CABLES1: variants seen among roughly 807,000 people sequenced by gnomAD.
The protein encoded by CABLES1 is Cdk5 and Abl enzyme substrate 1.
In CABLES1, 36 loss-of-function variants were observed where a neutral mutation model predicts 57.8. That is an observed-to-expected ratio of 0.62 (90% CI 0.48 to 0.82). CABLES1 has a LOEUF of 0.82. CABLES1 is among the 40% of genes least tolerant of loss of function. CABLES1 has a pLI of 0.00. For synonymous variants in CABLES1, 374 were observed against 363.0 expected (o/e 1.03, Z -0.35); for missense variants, 767 against 836.6 (o/e 0.92, Z 1.03).
intron 1 of CABLES1, among the ~76,000 whole-genome samples, chr18:23,152,766 C>T (rs1021762238): frequency 6.6e-6 from 1 of 151,238 alleles, no homozygotes; most frequent in African/African-American, 2.4e-5. Context: ...ATTATAGGCT[C>T]GAGCCACCAT....
At chr18:23,195,496 A>G (rs74625273) in intron 3 of CABLES1, among the ~76,000 whole-genome samples, 42 of 152,390 alleles carry the variant, frequency 2.8e-4, no homozygotes, top group Non-Finnish European at 4.4e-4. Flanking sequence ...GTAAGTCGCG[A>G]GTAAAGTACC....
chr18:23,239,840 A>G (rs1041503709), intron 7 of CABLES1, among the ~76,000 whole-genome samples: 24 of 152,204 alleles, frequency 1.6e-4, no homozygotes, highest in Non-Finnish European at 1.0e-4. Context: ...GCAGGAGACC[A>G]GGCATGGTGG....
intron 1 of CABLES1, among the ~76,000 whole-genome samples, chr18:23,160,450 G>T (rs1472827017): frequency 6.6e-6 from 1 of 152,216 alleles, no homozygotes; most frequent in Non-Finnish European, 1.5e-5. Flanking sequence ...GCAGTGCCGG[G>T]CACATGGTAT....
intron 3 of CABLES1, among the ~76,000 whole-genome samples, chr18:23,212,594 G>A (rs1343826147): frequency 1.3e-5 from 2 of 152,150 alleles, no homozygotes; most frequent in African/African-American, 4.8e-5. Flanking sequence ...GCTGCTCTGA[G>A]GCCCACACTG....
rs951137940 is a variant in CABLES1, at chr18:23,183,092, C to T, written c.846-5746C>T. 2.6e-5 allele frequency among the ~76,000 whole-genome samples: 4 copies of T among 152,214 alleles called. No individual in the cohort carries two copies. In the South Asian group the frequency reaches 6.2e-4, roughly 24 times the overall value. On this transcript the variant is annotated intron_variant, in intron 1 of 9. Transcript: ENST00000256925. ...CGGGATGGTCAGGCCTCTGGGCCTG[C>T]GTCCCCTCATCAGTGTGGATGGTTG... is the stretch of plus-strand genomic sequence containing the variant.
chr18:23,162,257 A>G (rs1004677946), intron 1 of CABLES1, among the ~76,000 whole-genome samples: 1 of 152,256 alleles, frequency 6.6e-6, no homozygotes, highest in Non-Finnish European at 1.5e-5. Context: ...ATTTTAAAGT[A>G]CCAAGAAAAC....
chr18:23,191,593 A>C (rs1050096113), intron 2 of CABLES1, among the ~76,000 whole-genome samples: 4 of 152,216 alleles, frequency 2.6e-5, no homozygotes, highest in African/African-American at 9.6e-5. Flanking sequence ...GCAGAAGAAC[A>C]AATGGCTCCA....
chr18:23,234,306 T>G (rs1399186275), intron 4 of CABLES1, among the ~76,000 whole-genome samples: 1 of 152,238 alleles, frequency 6.6e-6, no homozygotes, highest in Non-Finnish European at 1.5e-5. Context: ...GAATGCTCTC[T>G]GGCCTCATGT....
At chr18:23,212,588 C>T (rs1045463447) in intron 3 of CABLES1, among the ~76,000 whole-genome samples, 11 of 152,144 alleles carry the variant, frequency 7.2e-5, no homozygotes, top group African/African-American at 2.7e-4. Flanking sequence ...AGTGTTGCTG[C>T]TCTGAGGCCC....
At position 23,252,385 on chromosome 18, in the gene CABLES1, TACC is replaced by T. The variant is rs1461952687; in HGVS notation, c.1447-570_1447-568del. On this transcript the variant is annotated intron_variant, in intron 7 of 9. Transcript: ENST00000256925. The stretch of plus-strand genomic sequence containing the variant: ...GGTAAATTGTATGTGATGTGTATTT[TACC>T]ACCATTTAAAAAACTAAAAGAACAT... Among the ~76,000 whole-genome samples, 53 of 152,328 alleles carry T rather than the reference TACC, an allele frequency of 3.5e-4. 1 individual carries two copies. The highest frequency in any genetic ancestry group is 1.5e-5 in the Non-Finnish European group (1 of 68,030).
At chr18:23,225,143 A>T (rs1328509114) in intron 4 of CABLES1, among the ~76,000 whole-genome samples, 1 of 152,204 alleles carries the variant, frequency 6.6e-6, no homozygotes, top group Non-Finnish European at 1.5e-5. Flanking sequence ...CTGGGATTAC[A>T]GGTGTGAGCC....
Position 23,136,448 on chromosome 18 carries a change from C to T in CABLES1, c.686C>T (p.Thr229Ile), listed in dbSNP as rs746391362. 1.9e-6 allele frequency: 3 copies of T among 1,602,834 alleles called. No individual in the cohort carries two copies. Among genetic ancestry groups the T allele is most frequent in the East Asian group, 2.3e-5 (1 of 43,490 alleles). Residue 229 changes from threonine to isoleucine, a missense_variant, in exon 1 of 10, where the codon ACC (threonine) becomes ATC (isoleucine). Transcript: ENST00000256925. ...VPAAAFLGSG[T>I]PGSGSGSRGR... Reference sequence around the variant, plus strand: ...GCGGCCGCCTTTTTGGGCTCCGGGACCCCCGGGAGTGGGAGCGGCAGTCGG... The same window carrying T: ...GCGGCCGCCTTTTTGGGCTCCGGGATCCCCGGGAGTGGGAGCGGCAGTCGG...
At chr18:23,245,018 G>C (rs932182737) in intron 7 of CABLES1, among the ~76,000 whole-genome samples, 2 of 152,206 alleles carry the variant, frequency 1.3e-5, no homozygotes, top group African/African-American at 4.8e-5. Flanking sequence ...CAACCTGTCT[G>C]CTCTGAGACC....
chr18:23,153,121 C>CT lies in CABLES1; in HGVS notation c.845+16524dup, dbSNP rs1040222113. Among the ~76,000 whole-genome samples, 29 of 147,680 alleles carry CT rather than the reference C, an allele frequency of 2.0e-4. 1 individual carries two copies. The highest frequency in any genetic ancestry group is 4.7e-4 in the African/African-American group (19 of 40,310). ...GGCTGGTCTAAAATTTTTAATGTTA[C>CT]TTTTTTTTTTCCCTCCCAGGCTGGA... is the stretch of plus-strand genomic sequence containing the variant. On this transcript the variant is annotated intron_variant, in intron 1 of 9. Coordinates refer to ENST00000256925, the MANE Select transcript of CABLES1 (RefSeq NM_001100619.3).
chr18:23,249,554 G>A (rs780147177), intron 7 of CABLES1, among the ~76,000 whole-genome samples: 30 of 152,338 alleles, frequency 2.0e-4, no homozygotes, highest in Admixed American at 1.4e-3. Flanking sequence ...GACTTGCTGC[G>A]TCTCCTGCTT....
chr18:23,216,671 A>G (rs2047444443), intron 4 of CABLES1, among the ~76,000 whole-genome samples: 1 of 152,230 alleles, frequency 6.6e-6, no homozygotes, highest in African/African-American at 2.4e-5. Context: ...TAACTTGAAG[A>G]TAACGACATT....
At chr18:23,238,060 G>A (rs535107979) in intron 7 of CABLES1, among the ~76,000 whole-genome samples, 2 of 152,376 alleles carry the variant, frequency 1.3e-5, no homozygotes, top group African/African-American at 2.4e-5. Context: ...CCCATGAGCC[G>A]GGCCTGGCGG....
chr18:23,171,224 CG>C (rs754584908), intron 1 of CABLES1, among the ~76,000 whole-genome samples: 15 of 152,212 alleles, frequency 9.9e-5, no homozygotes, highest in Non-Finnish European at 1.5e-4. Context: ...TTCTTGTTCC[CG>C]TAACACCAGT....
intron 1 of CABLES1, among the ~76,000 whole-genome samples, chr18:23,174,926 C>CTTATGCATTAATTAACTAA (rs1301858490): frequency 2.1e-5 from 3 of 146,292 alleles, no homozygotes; most frequent in East Asian, 4.0e-4. Context: ...ATACTGGTGA[C>CTTATGCATTAATTAACTAA]TTATGCATTA....
Sources: gnomAD v4.1 joint callset for allele counts (sites outside exome capture counted in the v4.1 genomes callset) on GRCh38, gnomAD v4.1.1 for gene constraint, MANE v1.5 for transcripts, NCBI Gene and HGNC (gene_info 2026-07-23, HGNC 2026-07-21) for gene names.